Variants in ITGBL1 observed in about 807,000 individuals in gnomAD.
ITGBL1 encodes integrin beta-like protein 1.
Under a neutral mutation model 68.5 loss-of-function variants are expected in ITGBL1, and 51 were observed. The ratio of observed to expected loss-of-function variants is 0.74; its 90% CI spans 0.59 to 0.94. The LOEUF (loss-of-function observed/expected upper bound fraction) is 0.94, where lower values mean the gene tolerates loss of function less well. Among genes scored for constraint, ITGBL1 ranks in the 40% least tolerant of loss-of-function variants. The pLI, the probability that ITGBL1 is intolerant of heterozygous loss-of-function variation, is 0.00. For missense variants in ITGBL1, 649 were observed against 647.4 expected, an observed-to-expected ratio of 1.00 and a Z score of -0.03; for synonymous variants, 209 against 227.3, an observed-to-expected ratio of 0.92 and a Z score of 0.72.
chr13:101,501,088 G>A (rs1412061564), intron 2 of ITGBL1, among the ~76,000 whole-genome samples: 2 of 152,174 alleles, frequency 1.3e-5, no homozygotes, highest in Non-Finnish European at 2.9e-5. Flanking sequence ...GCTTCACAAT[G>A]GGTAGAGTTT....
chr13:101,491,664 T>C (rs2048779539), intron 2 of ITGBL1, among the ~76,000 whole-genome samples: 1 of 152,306 alleles, frequency 6.6e-6, no homozygotes, highest in South Asian at 2.1e-4. Context: ...CTGGGATACA[T>C]GAGCAGAATG....
intron 7 of ITGBL1, among the ~76,000 whole-genome samples, chr13:101,632,129 T>TTC (rs71125012): frequency 1.6e-3 from 236 of 150,600 alleles, no homozygotes; most frequent in African/African-American, 4.9e-3. Context: ...GGATAAAATA[T>TTC]TCTCTCTCTC....
At position 101,634,157 on chromosome 13, in the gene ITGBL1, G is replaced by A. The variant is rs564665825; in HGVS notation, c.1015+35858G>A. Among the ~76,000 whole-genome samples the A allele has an allele frequency of 1.7e-4, 26 of 152,122 alleles. No homozygotes were observed. In the South Asian group the frequency reaches 5.2e-3, roughly 30 times the overall value. ...TTGGCTTTCTCATTCAAATTCAATC[G>A]AATATATTTTTAAGAACTGAAAGCA... On this transcript the variant is annotated intron_variant, in intron 7 of 10. Transcript: ENST00000376180.
chr13:101,452,687 G>A lies in ITGBL1; in HGVS notation c.-147G>A. 6.1e-6 allele frequency: 4 copies of A among 656,522 alleles called. No individual in the cohort carries two copies. Among genetic ancestry groups the A allele is most frequent in the Non-Finnish European group, 1.1e-5 (4 of 366,328 alleles). 40.7% of individuals were successfully genotyped at this position (656,522 alleles called of 1,614,324 possible). A position where few individuals can be genotyped will look rare whatever the true frequency, so the allele number is the denominator to read the frequency against. ...AGCTCATCAACGCAATTGCAACTCC[G>A]GCTGGAGCCCCGGACCTGCAAGCCT... On this transcript the variant is annotated 5_prime_UTR_variant, in exon 1 of 11. Coordinates refer to ENST00000376180, the MANE Select transcript of ITGBL1 (RefSeq NM_004791.3).
At chr13:101,454,903 T>A (rs536405532) in intron 2 of ITGBL1, among the ~76,000 whole-genome samples, 124 of 152,254 alleles carry the variant, frequency 8.1e-4, no homozygotes, top group Non-Finnish European at 1.6e-3. Flanking sequence ...GAGGGTGGAG[T>A]GAAAATACAT....
intron 5 of ITGBL1, among the ~76,000 whole-genome samples, chr13:101,581,453 G>A (rs1048774742): frequency 4.6e-5 from 7 of 152,100 alleles, no homozygotes; most frequent in East Asian, 1.9e-4. Flanking sequence ...CTTTCAGTCC[G>A]TATTTATTTA....
rs114394819 is a variant in ITGBL1, at chr13:101,506,532, A to T, written c.316+52432A>T. 2.1e-3 allele frequency among the ~76,000 whole-genome samples: 325 copies of T among 152,256 alleles called. 1 individual carries two copies. The highest frequency in any genetic ancestry group is 7.5e-3 in the African/African-American group (312 of 41,562). On this transcript the variant is annotated intron_variant, in intron 2 of 10. Coordinates refer to ENST00000376180, the MANE Select transcript of ITGBL1 (RefSeq NM_004791.3). ...TTCAGGGTGAAGTAGCAGGTGCACA[A>T]ATGGGCAATCAGGGCACAGCCAGGT... is the stretch of plus-strand genomic sequence containing the variant.
At chr13:101,627,196 ATTT>A (rs963452897) in intron 7 of ITGBL1, among the ~76,000 whole-genome samples, 2 of 151,512 alleles carry the variant, frequency 1.3e-5, no homozygotes, top group African/African-American at 2.4e-5. Flanking sequence ...CTTTCATGTA[ATTT>A]TTTTTTATAT....
At chr13:101,563,495 G>T (rs1022823457) in intron 2 of ITGBL1, among the ~76,000 whole-genome samples, 5 of 151,750 alleles carry the variant, frequency 3.3e-5, no homozygotes, top group African/African-American at 1.2e-4. Context: ...ATGTTAAAAA[G>T]ATAGTAAGCT....
chr13:101,617,259 G>A (rs952620347), intron 7 of ITGBL1, among the ~76,000 whole-genome samples: 1 of 151,962 alleles, frequency 6.6e-6, no homozygotes, highest in African/African-American at 2.4e-5. Context: ...TTAAAAAATT[G>A]GAATAAAAAG....
intron 2 of ITGBL1, chr13:101,490,001 G>T (rs369970518): frequency 1.4e-5 from 20 of 1,454,238 alleles, no homozygotes; most frequent in Admixed American, 7.9e-5. Flanking sequence ...TTTAATAAAG[G>T]TAAGTAGTAT....
intron 7 of ITGBL1, among the ~76,000 whole-genome samples, chr13:101,609,475 A>C (rs1297994152): frequency 6.6e-6 from 1 of 152,146 alleles, no homozygotes; most frequent in Non-Finnish European, 1.5e-5. Flanking sequence ...TAAGCTAATG[A>C]CATAATCTGC....
At chr13:101,453,795 AG>A in intron 1 of ITGBL1, 87 bp from the exon 2 acceptor site, 1 of 834,990 alleles carries the variant, frequency 1.2e-6, no homozygotes, top group Non-Finnish European at 1.6e-6. Context: ...CTGCACCTGG[AG>A]GGGACACTGG....
At chr13:101,502,894 G>A (rs150023441) in intron 2 of ITGBL1, among the ~76,000 whole-genome samples, 1 of 152,326 alleles carries the variant, frequency 6.6e-6, no homozygotes, top group African/African-American at 2.4e-5. Flanking sequence ...AATGAGGCAA[G>A]ATGTATTGGA....
intron 7 of ITGBL1, among the ~76,000 whole-genome samples, chr13:101,654,042 GAAAT>G (rs750375075): frequency 1.3e-5 from 2 of 151,702 alleles, no homozygotes; most frequent in African/African-American, 2.4e-5. Context: ...TATGTGTTGA[GAAAT>G]AAATGACAAG....
chr13:101,651,633 T>TG (rs2032753832), intron 7 of ITGBL1, among the ~76,000 whole-genome samples: 1 of 152,224 alleles, frequency 6.6e-6, no homozygotes, highest in African/African-American at 2.4e-5. Flanking sequence ...GTGTTCACTC[T>TG]GATAATAGTT....
At chr13:101,571,772 C>T (rs1258963707) in intron 3 of ITGBL1, among the ~76,000 whole-genome samples, 1 of 152,112 alleles carries the variant, frequency 6.6e-6, no homozygotes, top group African/African-American at 2.4e-5. Context: ...TTCTTTTGCA[C>T]TCTGCTTTTA....
At chr13:101,562,665 C>A (rs2050118881) in intron 2 of ITGBL1, among the ~76,000 whole-genome samples, 1 of 151,694 alleles carries the variant, frequency 6.6e-6, no homozygotes, top group Non-Finnish European at 1.5e-5. Flanking sequence ...TTTCAAAATA[C>A]ATAAATTTAA....
At chr13:101,719,299 T>C (rs999726333), downstream of ITGBL1, 1 of 152,210 alleles carries the variant, frequency 6.6e-6, no homozygotes, top group South Asian at 2.1e-4. Context: ...TGGCTAGGTA[T>C]GATAAAGAAC....
Sources: gnomAD v4.1 joint callset for allele counts (sites outside exome capture counted in the v4.1 genomes callset) on GRCh38, gnomAD v4.1.1 for gene constraint, MANE v1.5 for transcripts, NCBI Gene and HGNC (gene_info 2026-07-23, HGNC 2026-07-21) for gene names.